Variants in TRIM5 observed in about 807,000 individuals in gnomAD.
TRIM5 encodes the protein tripartite motif containing 5.
TRIM5 carries 31 observed loss-of-function variants against 35.6 expected under a neutral mutation model. The observed-to-expected ratio is 0.87, with a 90% CI of 0.65 to 1.18. The LOEUF (loss-of-function observed/expected upper bound fraction) is 1.18, where lower values mean the gene tolerates loss of function less well. Among genes scored for constraint, TRIM5 ranks in the 50% most tolerant of loss-of-function variants. The pLI is 0.00. For synonymous variants in TRIM5, 243 were observed against 215.6 expected, an observed-to-expected ratio of 1.13 and a Z score of -1.11; for missense variants, 609 against 591.6, an observed-to-expected ratio of 1.03 and a Z score of -0.31.
chr11:5,645,115 C>T, the TRIM5 span, among the ~76,000 whole-genome samples: 2 of 152,202 alleles, frequency 1.3e-5, no homozygotes, highest in South Asian at 4.1e-4. Flanking sequence ...TGCCGGTAAT[C>T]CCAGCCAGCA....
chr11:5,593,751 C>T, the TRIM5 span, among the ~76,000 whole-genome samples: 350 of 152,272 alleles, frequency 2.3e-3, 1 homozygote, highest in African/African-American at 8.1e-3. Flanking sequence ...GTTGATACCA[C>T]CCTGAGTCTA....
At chr11:5,600,858 T>G in the TRIM5 span, among the ~76,000 whole-genome samples, 1 of 152,242 alleles carries the variant, frequency 6.6e-6, no homozygotes, top group Non-Finnish European at 1.5e-5. Context: ...GGCTCTTCTT[T>G]GGTGGCCCAA....
At chr11:5,652,540 C>G in the TRIM5 span, among the ~76,000 whole-genome samples, 1 of 152,256 alleles carries the variant, frequency 6.6e-6, no homozygotes, top group Non-Finnish European at 1.5e-5. Context: ...GCTTTTAAAC[C>G]AGTACCATAC....
At chr11:5,643,704 T>C in the TRIM5 span, 2 of 1,573,414 alleles carry the variant, frequency 1.3e-6, no homozygotes, top group Non-Finnish European at 1.7e-6. Flanking sequence ...CCCACCAAGC[T>C]CTTGAATTTT....
chr11:5,591,603 G>A, the TRIM5 span, among the ~76,000 whole-genome samples: 18 of 151,966 alleles, frequency 1.2e-4, no homozygotes, highest in East Asian at 3.9e-4. Flanking sequence ...AGCCATGATC[G>A]TGCCATTGCA....
At chr11:5,632,259 C>T in the TRIM5 span, 36 of 1,603,592 alleles carry the variant, frequency 2.2e-5, no homozygotes, top group Non-Finnish European at 2.9e-5. Context: ...TCTCAGCCAT[C>T]CAGGGGTCTT....
At chr11:5,617,514 G>A in the TRIM5 span, among the ~76,000 whole-genome samples, 1 of 123,614 alleles carries the variant, frequency 8.1e-6, no homozygotes, top group Non-Finnish European at 1.7e-5. Flanking sequence ...TTCAGGCAGA[G>A]TTTTGCTCTT....
rs1850986961 is a variant in TRIM5 at position 5,664,643 on chromosome 11, T to A, written c.*166A>T. 4 of 1,372,080 alleles carry A rather than the reference T, an allele frequency of 2.9e-6. No individual in the cohort carries two copies. The highest frequency in any genetic ancestry group is 3.7e-6 in the Non-Finnish European group (4 of 1,067,874). The allele number at this position is 1,372,080 out of a possible 1,614,324, so 85.0% of individuals were successfully genotyped here. ...TGTCAATAAAATATTGGGGACAATATGGCACAAGGCAATTATTACATTTTA... is the reference window on the plus strand; with the variant it reads ...TGTCAATAAAATATTGGGGACAATAAGGCACAAGGCAATTATTACATTTTA... On this transcript the variant is annotated 3_prime_UTR_variant, in exon 8 of 8. Coordinates refer to ENST00000380034, the MANE Select transcript of TRIM5 (RefSeq NM_033034.3).
the TRIM5 span, among the ~76,000 whole-genome samples, chr11:5,641,011 CT>C: frequency 6.6e-6 from 1 of 151,202 alleles, no homozygotes; most frequent in Non-Finnish European, 1.5e-5. Flanking sequence ...GATTTTTTTT[CT>C]TGGTGTGTCT....
chr11:5,665,978 CA>C lies in TRIM5; in HGVS notation c.868+2del. 6.2e-7 allele frequency: 1 copy of C among 1,603,926 alleles called. No homozygotes were observed. On this transcript the variant is annotated splice_donor_variant, in intron 6 of 7. Coordinates refer to ENST00000380034, the MANE Select transcript of TRIM5 (RefSeq NM_033034.3). LOFTEE classifies it high-confidence loss of function. ...ACCCTGTTGTTGATCTAGCTCTCCTCACCTCTAAACACTTCTAGCATTCCTT... is the reference window on the plus strand; with the variant it reads ...ACCCTGTTGTTGATCTAGCTCTCCTCCCTCTAAACACTTCTAGCATTCCTT...
chr11:5,655,033 A>C, the TRIM5 span, among the ~76,000 whole-genome samples: 1 of 152,078 alleles, frequency 6.6e-6, no homozygotes, highest in South Asian at 2.1e-4. Flanking sequence ...TCAACTAAAA[A>C]TACAAAAAAA....
the TRIM5 span, chr11:5,633,833 G>A: frequency 6.2e-6 from 10 of 1,614,096 alleles, no homozygotes; most frequent in Non-Finnish European, 8.5e-6. Context: ...TCAAGAGGCT[G>A]AAGAAGGAAG....
the TRIM5 span, among the ~76,000 whole-genome samples, chr11:5,591,789 T>C: frequency 6.6e-6 from 1 of 152,148 alleles, no homozygotes; most frequent in African/African-American, 2.4e-5. Context: ...CCATGTGAGG[T>C]TCTTTCTTAA....
At chr11:5,602,170 G>T in the TRIM5 span, among the ~76,000 whole-genome samples, 19 of 152,352 alleles carry the variant, frequency 1.2e-4, no homozygotes, top group African/African-American at 4.3e-4. Flanking sequence ...ACCGGGTGCA[G>T]TGGCTCATGC....
Position 5,664,274 on chromosome 11 carries a change from C to T in TRIM5, c.*535G>A, listed in dbSNP as rs1564903995. ...CATTTAAGTATGTTATTCACAGTTA[C>T]ACTGCTGGTATATGGAGAGACAGGA... is the stretch of plus-strand genomic sequence containing the variant. On this transcript the variant is annotated 3_prime_UTR_variant, in exon 8 of 8. Coordinates refer to ENST00000380034, the MANE Select transcript of TRIM5 (RefSeq NM_033034.3). 1 of 984,422 alleles carries T rather than the reference C, an allele frequency of 1.0e-6. No homozygotes were observed. The highest frequency in any genetic ancestry group is 1.1e-4 in the East Asian group (1 of 8,776). The allele number at this position is 984,422 out of a possible 1,614,324, so 61.0% of individuals were successfully genotyped here. A position where few individuals can be genotyped will look rare whatever the true frequency, so the allele number is the denominator to read the frequency against.
At chr11:5,645,350 C>G in the TRIM5 span, among the ~76,000 whole-genome samples, 10 of 149,388 alleles carry the variant, frequency 6.7e-5, no homozygotes, top group East Asian at 1.6e-3. Context: ...TGAGATTGCA[C>G]CACTGCACTC....
At chr11:5,642,591 G>A in the TRIM5 span, 12 of 1,499,646 alleles carry the variant, frequency 8.0e-6, no homozygotes, top group Admixed American at 2.2e-5. Flanking sequence ...ACTTAAAATT[G>A]AGGACAGAAG....
the TRIM5 span, among the ~76,000 whole-genome samples, chr11:5,635,756 A>C: frequency 6.6e-6 from 1 of 152,170 alleles, no homozygotes; most frequent in South Asian, 2.1e-4. Context: ...CTTATATCCC[A>C]GCTTTTTTTA....
the TRIM5 span, chr11:5,610,555 T>A: frequency 6.2e-7 from 1 of 1,613,618 alleles, no homozygotes; most frequent in Non-Finnish European, 8.5e-7. Flanking sequence ...TGTCCAAAGC[T>A]ACTGGGGTAA....
Sources: allele counts gnomAD v4.1 joint callset (sites outside exome capture counted in the v4.1 genomes callset), GRCh38; gene constraint gnomAD v4.1.1; transcripts MANE v1.5; gene names NCBI Gene and HGNC (gene_info 2026-07-23, HGNC 2026-07-21).